The following ANKRD28 variants were observed in gnomAD, a reference collection of about 807,000 sequenced individuals.
The protein encoded by ANKRD28 is serine/threonine-protein phosphatase 6 regulatory ankyrin repeat subunit A.
A neutral mutation model predicts 126.5 loss-of-function variants in ANKRD28; 44 were observed. That is an observed-to-expected ratio of 0.35 (90% CI 0.27 to 0.45). ANKRD28 has a LOEUF of 0.45. Among genes scored for constraint, ANKRD28 ranks in the 20% least tolerant of loss-of-function variants. ANKRD28 has a pLI of 1.00. For missense variants in ANKRD28, 1,110 were observed against 1,316.6 expected (o/e 0.84, Z 2.43); for synonymous variants, 442 against 468.5 (o/e 0.94, Z 0.73).
At chr3:15,798,667 C>A (rs2060381899), upstream of ANKRD28, among the ~76,000 whole-genome samples, 2 of 152,046 alleles carry the variant, frequency 1.3e-5, no homozygotes, top group African/African-American at 2.4e-5. Flanking sequence ...TGTCCTTCGT[C>A]CTGAATTACC....
chr3:15,829,053 T>C (rs1186506747), intron 1 of ANKRD28, among the ~76,000 whole-genome samples: 1 of 152,142 alleles, frequency 6.6e-6, no homozygotes. Context: ...AAATTTTTGG[T>C]CTTAAGACCT....
In ANKRD28 at chr3:15,696,316, A is replaced by C. The variant is rs572944663; in HGVS notation, c.1548-71T>G. The C allele has an allele frequency of 9.5e-5, 97 of 1,022,240 alleles. No homozygotes were observed. In the East Asian group the frequency reaches 2.6e-3, roughly 27 times the overall value. The allele number at this position is 1,022,240 out of a possible 1,614,324, so 63.3% of individuals were successfully genotyped here. On this transcript the variant is annotated intron_variant, in intron 14 of 27. Transcript: ENST00000683139. Reference sequence around the variant, plus strand: ...ATTAACCAATGATAAAAAGAGACTGAAATTAAAAACTGACAATTTTTCTTA... The same window carrying C: ...ATTAACCAATGATAAAAAGAGACTGCAATTAAAAACTGACAATTTTTCTTA...
In ANKRD28 at chr3:15,840,078, C is replaced by T. The variant is rs141973009; in HGVS notation, c.27+19299G>A. Reference sequence around the variant, plus strand: ...TCAGACAAGAGAAAGAAATAAAGAGCATCCAAACTGGAAAGGAAGTCCAAT... The same window carrying T: ...TCAGACAAGAGAAAGAAATAAAGAGTATCCAAACTGGAAAGGAAGTCCAAT... On this transcript the variant is annotated intron_variant, in intron 1 of 27. Transcript: ENST00000399451. 3.3e-3 allele frequency among the ~76,000 whole-genome samples: 504 copies of T among 152,226 alleles called. 1 individual carries two copies. Among genetic ancestry groups the T allele is most frequent in the African/African-American group, 0.012 (485 of 41,542 alleles).
At position 15,777,684 on chromosome 3, in the gene ANKRD28, G is replaced by A. The variant is rs144849971; in HGVS notation, c.202-11372C>T. ...CTTTTCAATAAACTTGAAACAGAAA[G>A]GGCGAAACAAAACACATGTGTACCC... is the stretch of plus-strand genomic sequence containing the variant. On this transcript the variant is annotated intron_variant, in intron 2 of 27. Coordinates refer to ENST00000683139, the MANE Select transcript of ANKRD28 (RefSeq NM_001349278.2). 3.6e-3 allele frequency among the ~76,000 whole-genome samples: 550 copies of A among 152,204 alleles called. 7 individuals are homozygous for A. Among genetic ancestry groups the A allele is most frequent in the African/African-American group, 0.013 (531 of 41,510 alleles).
chr3:15,671,332 G>C (rs574921447), intron 27 of ANKRD28, among the ~76,000 whole-genome samples: 44 of 152,156 alleles, frequency 2.9e-4, no homozygotes, highest in African/African-American at 1.1e-3. Flanking sequence ...CGGAGCGGGA[G>C]AGAAGTGATA....
At chr3:15,825,324 T>A (rs376234025) in intron 1 of ANKRD28, among the ~76,000 whole-genome samples, 85 of 152,360 alleles carry the variant, frequency 5.6e-4, no homozygotes, top group African/African-American at 1.9e-3. Flanking sequence ...CTGGATTCAA[T>A]ACTGTACAAC....
intron 6 of ANKRD28, among the ~76,000 whole-genome samples, chr3:15,734,889 A>G (rs1043771477): frequency 2.7e-5 from 4 of 146,194 alleles, no homozygotes; most frequent in African/African-American, 9.9e-5. Flanking sequence ...GAGCTCTATT[A>G]GTTTTAGAGT....
At chr3:15,676,894 G>T in intron 26 of ANKRD28, 80 bp downstream of exon 26, 1 of 1,184,282 alleles carries the variant, frequency 8.4e-7, no homozygotes, top group Non-Finnish European at 1.2e-6. Flanking sequence ...TATTCCAATA[G>T]TCACATGTTT....
chr3:15,684,049 T>C (rs137946052), intron 21 of ANKRD28: 20 of 152,140 alleles, frequency 1.3e-4, no homozygotes, highest in African/African-American at 4.8e-4. Context: ...TTAACATTAA[T>C]CTTGAAGCTA....
At chr3:15,757,198 A>G (rs1021053606) in intron 3 of ANKRD28, among the ~76,000 whole-genome samples, 1 of 152,198 alleles carries the variant, frequency 6.6e-6, no homozygotes, top group African/African-American at 2.4e-5. Flanking sequence ...CATGTAAAAT[A>G]TGTGTTAACT....
rs185135463 is a variant in ANKRD28, at chr3:15,849,567, T to C, written c.27+9810A>G. ...AAAGATTCCTCTAGGAGGGGTACCC[T>C]CACCATACCAGGGAGAGAAAAATAA... On this transcript the variant is annotated intron_variant, in intron 1 of 27. Transcript: ENST00000399451. 3.5e-3 allele frequency among the ~76,000 whole-genome samples: 533 copies of C among 152,316 alleles called. 3 individuals carry two copies. Among genetic ancestry groups the C allele is most frequent in the Non-Finnish European group, 6.5e-3 (439 of 68,018 alleles).
intron 1 of ANKRD28, among the ~76,000 whole-genome samples, chr3:15,851,686 G>A (rs1178225746): frequency 3.3e-5 from 5 of 152,154 alleles, no homozygotes; most frequent in Admixed American, 6.5e-5. Context: ...ATGCTCATAC[G>A]CTGCTGGGAA....
At chr3:15,738,755 G>A (rs1200492845) in intron 4 of ANKRD28, 2 of 152,306 alleles carry the variant, frequency 1.3e-5, no homozygotes, top group African/African-American at 2.4e-5. Flanking sequence ...AGGAGACAGA[G>A]TTTGTGAGCA....
intron 1 of ANKRD28, among the ~76,000 whole-genome samples, chr3:15,829,748 T>G (rs1050939436): frequency 6.6e-6 from 1 of 152,156 alleles, no homozygotes; most frequent in Non-Finnish European, 1.5e-5. Flanking sequence ...CGATACAGAT[T>G]TACTCAAATT....
exon 1 of ANKRD28, chr3:15,859,630 G>C (rs1453577533): frequency 4.6e-5 from 8 of 172,248 alleles, no homozygotes; most frequent in African/African-American, 2.0e-4. Flanking sequence ...GTGCCCGGCC[G>C]GTCCCGCCTC....
rs1455866562 is a variant in ANKRD28 at position 15,796,421 on chromosome 3, G to C, written c.101C>G (p.Pro34Arg). Residue 34 changes from proline (P) to arginine (R), a missense_variant, in exon 1 of 28, where the codon CCT becomes CGT. Physicochemically the swap from Pro to Arg is moderately radical, Grantham distance 103. Transcript: ENST00000683139. ...PQENKSLHSPPSGNVLPSLVQ... is the reference protein window; with the variant it reads ...PQENKSLHSPRSGNVLPSLVQ... ...ATATCTTACCAATACATTTCCAGAA[G>C]GTGGAGAATGTAGGGATTTATTTTC... The C allele has an allele frequency of 3.1e-5, 40 of 1,286,680 alleles. No homozygotes were observed. The highest frequency in any genetic ancestry group is 4.0e-5 in the Non-Finnish European group (39 of 986,768). The allele number at this position is 1,286,680 out of a possible 1,614,324, so 79.7% of individuals were successfully genotyped here.
At chr3:15,856,970 C>T (rs982408856) in intron 1 of ANKRD28, among the ~76,000 whole-genome samples, 1 of 152,226 alleles carries the variant, frequency 6.6e-6, no homozygotes, top group Non-Finnish European at 1.5e-5. Flanking sequence ...CAAGTACCAT[C>T]CAGCTTTAGA....
intron 1 of ANKRD28, among the ~76,000 whole-genome samples, chr3:15,850,354 G>A (rs1205184639): frequency 1.3e-5 from 2 of 149,826 alleles, no homozygotes; most frequent in African/African-American, 4.9e-5. Context: ...CCTTATATTA[G>A]CTCCCTAGGG....
intron 6 of ANKRD28, 135 bp downstream of exon 6, chr3:15,735,275 A>G: frequency 1.6e-6 from 1 of 624,800 alleles, no homozygotes; most frequent in Non-Finnish European, 2.6e-6. Context: ...GGGTTGTTCT[A>G]CCTGGGCATC....
Sources: gnomAD v4.1 joint callset for allele counts (sites outside exome capture counted in the v4.1 genomes callset) on GRCh38, gnomAD v4.1.1 for gene constraint, MANE v1.5 for transcripts, NCBI Gene and HGNC (gene_info 2026-07-23, HGNC 2026-07-21) for gene names.